TASOR: variants seen among roughly 807,000 people sequenced by gnomAD.
The protein encoded by TASOR is protein TASOR.
In TASOR, 53 loss-of-function variants were observed where a neutral mutation model predicts 178.6. The observed-to-expected ratio is 0.30, with a 90% CI of 0.24 to 0.37. The LOEUF (loss-of-function observed/expected upper bound fraction) is 0.37, where lower values mean the gene tolerates loss of function less well. TASOR is among the 10% of genes least tolerant of loss of function. The pLI, the probability that TASOR is intolerant of heterozygous loss-of-function variation, is 1.00. For missense variants in TASOR, 1,815 were observed against 1,971.4 expected, an observed-to-expected ratio of 0.92 and a Z score of 1.50; for synonymous variants, 713 against 696.2, an observed-to-expected ratio of 1.02 and a Z score of -0.38.
chr3:56,673,144 T>G (rs1339577643), intron 2 of TASOR, among the ~76,000 whole-genome samples: 2 of 152,204 alleles, frequency 1.3e-5, no homozygotes, highest in African/African-American at 4.8e-5. Flanking sequence ...TAGTAAGCTA[T>G]CTCTACACTT....
intron 1 of TASOR, among the ~76,000 whole-genome samples, chr3:56,678,895 G>A (rs952666634): frequency 6.6e-5 from 10 of 151,266 alleles, no homozygotes; most frequent in Admixed American, 2.0e-4. Flanking sequence ...CCTGTAATCC[G>A]AACTACTGGG....
Position 56,624,883 on chromosome 3 carries a change from G to A in TASOR, c.4263C>T (p.Cys1421=), listed in dbSNP as rs375520839. The A allele has an allele frequency of 6.2e-6, 10 of 1,614,110 alleles. No individual in the cohort carries two copies. In the African/African-American group the frequency reaches 1.1e-4, roughly 17 times the overall value. Residue 1421 remains cysteine, a synonymous_variant, in exon 22 of 24, where the codon TGC becomes TGT. Coordinates refer to ENST00000683822, the MANE Select transcript of TASOR (RefSeq NM_001365635.2). The part of the protein sequence containing the change: ...SQTRNAPELD[C]LIRLQAQNIQ... ...TGTTCTGAGCCTGAAGTCTGATAAG[G>A]CAATCCAATTCTGGAGCATTTCGAG...
chr3:56,641,680 G>C lies in TASOR; in HGVS notation c.2288C>G (p.Ser763Cys). The C allele has an allele frequency of 1.2e-6, 2 of 1,614,234 alleles. No homozygotes were observed. The highest frequency in any genetic ancestry group is 1.7e-6 in the Non-Finnish European group (2 of 1,180,036). The change falls in exon 15 of 24, where the codon TCC (serine) becomes TGC (cysteine). Residue 763 changes from serine (S) to cysteine (C), a missense_variant. Physicochemically the swap from Ser to Cys is moderately radical, Grantham distance 112 (BLOSUM62 -1). Coordinates refer to ENST00000683822, the MANE Select transcript of TASOR (RefSeq NM_001365635.2). ...CAGCCTATGGATGTCAGCAATGCCG[G>C]AGTTACAGGTATCCTGCTGCTGCCG... ...LRRQQQDTCN[S>C]GIADIHRLFN... is the part of the protein sequence containing the mutation.
intron 21 of TASOR, among the ~76,000 whole-genome samples, chr3:56,625,749 G>A (rs189230874): frequency 0.01 from 1,522 of 151,400 alleles, 22 homozygotes; most frequent in African/African-American, 0.035. Flanking sequence ...TCAGCTTCCC[G>A]AGTAGCTGGG....
intron 5 of TASOR, among the ~76,000 whole-genome samples, 178 bp from the exon 6 acceptor site, chr3:56,668,736 G>A (rs1418312078): frequency 1.3e-5 from 2 of 152,188 alleles, no homozygotes; most frequent in African/African-American, 4.8e-5. Context: ...CACTTTGGGA[G>A]GCCAAGGCAG....
At chr3:56,664,169 C>T (rs1041699651) in intron 7 of TASOR, 2 of 151,896 alleles carry the variant, frequency 1.3e-5, no homozygotes, top group African/African-American at 4.8e-5. Flanking sequence ...AATTATGCAG[C>T]TTACTGGGGA....
rs186668820 is a variant in TASOR, at chr3:56,653,373, A to C, written c.1369-4316T>G. Among the ~76,000 whole-genome samples the C allele has an allele frequency of 3.3e-5, 5 of 151,512 alleles. No homozygotes were observed. The East Asian group carries it at 7.7e-4, about 23-fold the overall frequency. On this transcript the variant is annotated intron_variant, in intron 11 of 23. Coordinates refer to ENST00000683822, the MANE Select transcript of TASOR (RefSeq NM_001365635.2). Reference sequence around the variant, plus strand: ...CAGAAAAAAAGACACAAATCCACAGATATGAAAGGAAAAGATATACCAAGC... The same window carrying C: ...CAGAAAAAAAGACACAAATCCACAGCTATGAAAGGAAAAGATATACCAAGC...
chr3:56,624,483 C>G lies in TASOR; in HGVS notation c.4479G>C (p.Gln1493His), dbSNP rs764829852. Residue 1493 changes from glutamine to histidine, a missense_variant, in exon 23 of 24, where the codon CAG becomes CAC. Physicochemically the swap from Gln to His is conservative, Grantham distance 24. Around this residue, in one of 5 missense-constraint regions of TASOR, gnomAD observed 278 missense variants for 257.1 expected, o/e 1.08. Coordinates refer to ENST00000683822, the MANE Select transcript of TASOR (RefSeq NM_001365635.2). ...TGAAAACCACTGAAAAGTTACCTGA[C>G]TGCGACTCAAGATTCTCATTAGCAC... ...QLGANENLES[Q>H]SALLENDEKD... The G allele has an allele frequency of 1.2e-6, 2 of 1,612,158 alleles. No homozygotes were observed. The highest frequency in any genetic ancestry group is 2.2e-5 in the South Asian group (2 of 90,696).
At chr3:56,676,562 G>C (rs956434902) in intron 1 of TASOR, among the ~76,000 whole-genome samples, 18 of 152,134 alleles carry the variant, frequency 1.2e-4, no homozygotes, top group African/African-American at 3.9e-4. Context: ...GTTGGGTTAT[G>C]ATTTTAAAAG....
intron 15 of TASOR, among the ~76,000 whole-genome samples, chr3:56,641,038 T>C (rs1456984111): frequency 2.0e-5 from 3 of 152,202 alleles, no homozygotes; most frequent in African/African-American, 4.8e-5. Flanking sequence ...AACTTCATTA[T>C]GAAACAATAA....
intron 7 of TASOR, chr3:56,663,911 T>C: frequency 1.1e-6 from 1 of 951,202 alleles, no homozygotes; most frequent in Middle Eastern, 5.5e-4. Context: ...ATAAATATAT[T>C]AATTCATCAT....
In TASOR at chr3:56,633,468, C is replaced by T. The variant is rs753994617; in HGVS notation, c.3323G>A (p.Gly1108Asp). 2 of 1,614,112 alleles carry T rather than the reference C, an allele frequency of 1.2e-6. No individual in the cohort carries two copies. The highest frequency in any genetic ancestry group is 2.2e-5 in the East Asian group (1 of 44,882). The change falls in exon 18 of 24, where the codon GGT (glycine) becomes GAT (aspartate). Residue 1108 changes from glycine to aspartate, a missense_variant. By Grantham distance (94) the Gly-to-Asp change is moderately conservative. Around this residue, in one of 5 missense-constraint regions of TASOR, gnomAD observed 655 missense variants for 671.1 expected, o/e 0.98. Coordinates refer to ENST00000683822, the MANE Select transcript of TASOR (RefSeq NM_001365635.2). ...NLPPVSPNDS[G>D]AKIASNPLER... ...CAGAGGATTCGATGCTATCTTAGCA[C>T]CAGAATCGTTAGGACTGACTGGTGG...
chr3:56,646,471 G>T lies in TASOR; in HGVS notation c.2215+51C>A, dbSNP rs778490383. On this transcript the variant is annotated intron_variant, in intron 14 of 23. Coordinates refer to ENST00000683822, the MANE Select transcript of TASOR (RefSeq NM_001365635.2). ...TTATACGCCCCTCTGCTACAAGAAA[G>T]AACAGAACTACTTTATTTTTGGCTG... 7 of 1,443,234 alleles carry T rather than the reference G, an allele frequency of 4.9e-6. No individual in the cohort carries two copies. The South Asian group carries it at 9.5e-5, about 20-fold the overall frequency. 89.4% of individuals were successfully genotyped at this position (1,443,234 alleles called of 1,614,324 possible). A position where few individuals can be genotyped will look rare whatever the true frequency, so the allele number is the denominator to read the frequency against.
intron 17 of TASOR, among the ~76,000 whole-genome samples, chr3:56,636,303 A>C (rs1007094909): frequency 2.6e-5 from 4 of 151,964 alleles, no homozygotes; most frequent in East Asian, 1.9e-4. Flanking sequence ...GAAAAAAAAA[A>C]CAAAACTTAA....
intron 17 of TASOR, among the ~76,000 whole-genome samples, chr3:56,635,532 T>G (rs887548952): frequency 1.3e-5 from 2 of 152,218 alleles, no homozygotes; most frequent in South Asian, 4.1e-4. Flanking sequence ...TTAAGTATTT[T>G]TGGACTTCTT....
intron 17 of TASOR, among the ~76,000 whole-genome samples, chr3:56,637,789 T>C (rs530888198): frequency 2.6e-5 from 4 of 151,938 alleles, no homozygotes. Flanking sequence ...AAGGAAAATA[T>C]AAAAAAGATC....
rs2076765367 is a variant in TASOR at position 56,624,946 on chromosome 3, C to T, written c.4200G>A (p.Leu1400=). ...AATTGTGGTATGACAAAATTTCAACCAGATGTTTCTTCTGATAGACATTCA... is the reference window on the plus strand; with the variant it reads ...AATTGTGGTATGACAAAATTTCAACTAGATGTTTCTTCTGATAGACATTCA... ...TLLNVYQKKH[L]VEILSYHNCD... Residue 1400 remains leucine (L), a synonymous_variant, in exon 22 of 24, where the codon CTG becomes CTA. Transcript: ENST00000683822. 1 of 1,614,134 alleles carries T rather than the reference C, an allele frequency of 6.2e-7. No homozygotes were observed.
Position 56,621,413 on chromosome 3 carries a change from A to C in TASOR, c.*1624T>G, listed in dbSNP as rs73083715. 33,251 of 658,384 alleles carry C rather than the reference A, an allele frequency of 0.051. 940 individuals carry two copies. Among genetic ancestry groups the C allele is most frequent in the East Asian group, 0.093 (3,354 of 36,056 alleles). 40.8% of individuals were successfully genotyped at this position (658,384 alleles called of 1,614,324 possible). ...ACAAGCATTTCTGAAAAAATTTTTGAATGACAAAATTTTATCCTAAGCGAT... is the reference window on the plus strand; with the variant it reads ...ACAAGCATTTCTGAAAAAATTTTTGCATGACAAAATTTTATCCTAAGCGAT... On this transcript the variant is annotated 3_prime_UTR_variant, in exon 24 of 24. Transcript: ENST00000683822.
chr3:56,648,964 T>G, intron 12 of TASOR, 21 bp downstream of exon 12: 1 of 1,599,090 alleles, frequency 6.3e-7, no homozygotes, highest in Non-Finnish European at 8.5e-7. Flanking sequence ...TGTAAAAATT[T>G]ATTAAAGAGA....
Sources: gnomAD v4.1 joint callset for allele counts (sites outside exome capture counted in the v4.1 genomes callset) on GRCh38, gnomAD v4.1.1 for gene constraint, gnomAD v4.1.1 regional missense constraint, MANE v1.5 for transcripts, NCBI Gene and HGNC (gene_info 2026-07-23, HGNC 2026-07-21) for gene names.